Variants in KCNQ4 observed in about 807,000 individuals in gnomAD.
The protein encoded by KCNQ4 is potassium voltage-gated channel subfamily Q member 4, also known as potassium voltage-gated channel subfamily KQT member 4.
In KCNQ4, 31 loss-of-function variants were observed where a neutral mutation model predicts 72.6. That is an observed-to-expected ratio of 0.43 (90% CI 0.32 to 0.58). KCNQ4 has a LOEUF of 0.58. KCNQ4 is among the 20% of genes least tolerant of loss of function. The probability of loss-of-function intolerance (pLI) is 0.08; values close to 1 mark genes in which losing one functional copy is unlikely to be tolerated. For missense variants in KCNQ4, 869 were observed against 962.6 expected (o/e 0.90, Z 1.29); for synonymous variants, 405 against 403.7 (o/e 1.00, Z -0.04).
intron 7 of KCNQ4, among the ~76,000 whole-genome samples, chr1:40,821,479 C>A (rs1235653420): frequency 6.7e-6 from 1 of 149,876 alleles, no homozygotes; most frequent in Non-Finnish European, 1.5e-5. Flanking sequence ...GCTCTTCCTA[C>A]GTGGAGGGAG....
At chr1:40,822,248 G>T in intron 7 of KCNQ4, 66 bp from the exon 8 acceptor site, 2 of 1,332,476 alleles carry the variant, frequency 1.5e-6, no homozygotes, top group South Asian at 2.4e-5. Flanking sequence ...TCTTTCAGGG[G>T]AGAGGGCTGG....
At chr1:40,818,996 A>C in intron 4 of KCNQ4, 1 of 557,920 alleles carries the variant, frequency 1.8e-6, no homozygotes, top group Non-Finnish European at 3.3e-6. Context: ...CTGAGGTGGG[A>C]CTTGAGGGTG....
chr1:40,831,420 C>T, intron 10 of KCNQ4, 116 bp downstream of exon 10: 1 of 820,858 alleles, frequency 1.2e-6, no homozygotes. Flanking sequence ...AACTGATGGA[C>T]CGTCTTTGGG....
chr1:40,787,994 G>A (rs1415101241), intron 1 of KCNQ4, among the ~76,000 whole-genome samples: 1 of 152,188 alleles, frequency 6.6e-6, no homozygotes, highest in Non-Finnish European at 1.5e-5. Flanking sequence ...AAGGTTTGCG[G>A]CTCTGTAAAC....
Position 40,837,683 on chromosome 1 carries a change from T to C in KCNQ4, c.1764T>C (p.Gly588=). The stretch of plus-strand genomic sequence containing the variant: ...CCCTTAGGGTGGACCAAATTGTGGG[T>C]CGGGGGCCCGGGGACAGGAAGGCCC... ...SLQTRVDQIV[G]RGPGDRKARE... The change falls in exon 13 of 14, where the codon GGT becomes GGC. Residue 588 remains glycine (G), a synonymous_variant. Transcript: ENST00000347132. 1.2e-6 allele frequency: 2 copies of C among 1,612,820 alleles called. No homozygotes were observed. Among genetic ancestry groups the C allele is most frequent in the Non-Finnish European group, 1.7e-6 (2 of 1,179,688 alleles).
In KCNQ4 at chr1:40,802,510, G is replaced by GCCCCGCCCACCATT. The variant is rs1166607611; in HGVS notation, c.315-14746_315-14733dup. ...CCCCGCCCCTCCCAGGGACGCAAGA[G>GCCCCGCCCACCATT]CCCCGCCCACCATTCCCCGCCCCCG... On this transcript the variant is annotated intron_variant, in intron 1 of 13. Transcript: ENST00000347132. 2.1e-4 allele frequency among the ~76,000 whole-genome samples: 32 copies of GCCCCGCCCACCATT among 151,946 alleles called. 1 individual carries two copies. Among genetic ancestry groups the GCCCCGCCCACCATT allele is most frequent in the African/African-American group, 7.2e-5 (3 of 41,382 alleles).
chr1:40,820,121 C>G, intron 6 of KCNQ4, 44 bp from the exon 7 acceptor site: 1 of 1,564,474 alleles, frequency 6.4e-7, no homozygotes. Flanking sequence ...CTTACTGCCC[C>G]ACCACTGCCA....
intron 1 of KCNQ4, among the ~76,000 whole-genome samples, chr1:40,805,357 A>G (rs966880443): frequency 3.3e-5 from 5 of 152,034 alleles, no homozygotes; most frequent in Admixed American, 3.3e-4. Flanking sequence ...ACTCAGAGTA[A>G]AAGCCAAGAT....
At chr1:40,818,079 C>T (rs1648152957) in intron 2 of KCNQ4, 85 bp from the exon 3 acceptor site, 1 of 1,589,822 alleles carries the variant, frequency 6.3e-7, no homozygotes, top group Admixed American at 1.7e-5. Context: ...CCCCCTAACC[C>T]AGGGACTCTT....
chr1:40,820,098 AC>A, intron 6 of KCNQ4, 66 bp from the exon 7 acceptor site: 1 of 1,527,736 alleles, frequency 6.5e-7, no homozygotes, highest in Non-Finnish European at 9.0e-7. Flanking sequence ...GGATGGGGAC[AC>A]CCTTGCAGCC....
At chr1:40,821,920 T>C (rs1648309109) in intron 7 of KCNQ4, among the ~76,000 whole-genome samples, 1 of 152,212 alleles carries the variant, frequency 6.6e-6, no homozygotes, top group Admixed American at 6.5e-5. Context: ...GTTCATTTAA[T>C]CCTCACAACA....
At chr1:40,823,406 A>G (rs1648368322) in intron 8 of KCNQ4, among the ~76,000 whole-genome samples, 1 of 152,104 alleles carries the variant, frequency 6.6e-6, no homozygotes, top group Admixed American at 6.5e-5. Flanking sequence ...TGTAAGAAAT[A>G]CAATGTGTAT....
chr1:40,813,698 G>A (rs1393509565), intron 1 of KCNQ4, among the ~76,000 whole-genome samples: 1 of 152,180 alleles, frequency 6.6e-6, no homozygotes, highest in Non-Finnish European at 1.5e-5. Flanking sequence ...GGCGACTGTG[G>A]TCAAGGGGTG....
intron 9 of KCNQ4, among the ~76,000 whole-genome samples, chr1:40,826,866 G>C (rs1648495098): frequency 6.6e-6 from 1 of 152,246 alleles, no homozygotes; most frequent in South Asian, 2.1e-4. Flanking sequence ...CTAGGTCTGG[G>C]GCATGGGCCC....
At chr1:40,803,912 C>G (rs1647659257) in intron 1 of KCNQ4, among the ~76,000 whole-genome samples, 1 of 152,256 alleles carries the variant, frequency 6.6e-6, no homozygotes, top group South Asian at 2.1e-4. Context: ...CTGGGCTGGG[C>G]TCAGTCTTGG....
Position 40,817,172 on chromosome 1 carries a change from C to G in KCNQ4, c.315-93C>G. The G allele has an allele frequency of 1.1e-6, 1 of 923,866 alleles. No homozygotes were observed. Among genetic ancestry groups the G allele is most frequent in the Non-Finnish European group, 1.8e-6 (1 of 569,762 alleles). The allele number at this position is 923,866 out of a possible 1,614,324, so 57.2% of individuals were successfully genotyped here. ...CACATAATTTTCTGAAAATAATGTT[C>G]TCCTCTCTTGGCTCTGTAACCCCCT... On this transcript the variant is annotated intron_variant, in intron 1 of 13. Transcript: ENST00000347132. The surrounding 1 kb of genome is among the most constrained non-coding windows in gnomAD (Gnocchi z 5.5).
At position 40,831,637 on chromosome 1, in the gene KCNQ4, T is replaced by C. The variant is rs181243460; in HGVS notation, c.1513+333T>C. On this transcript the variant is annotated intron_variant, in intron 10 of 13. Transcript: ENST00000347132. ...ATTTCTCTGGGCCTCATTCTCCTCA[T>C]TCATAAAATGGGAACAATAATAGCA... Among the ~76,000 whole-genome samples, 202 of 152,314 alleles carry C rather than the reference T, an allele frequency of 1.3e-3. 1 individual carries two copies. The highest frequency in any genetic ancestry group is 4.8e-3 in the African/African-American group (199 of 41,566).
At chr1:40,830,510 A>T (rs1053302555) in intron 9 of KCNQ4, among the ~76,000 whole-genome samples, 1 of 152,154 alleles carries the variant, frequency 6.6e-6, no homozygotes, top group African/African-American at 2.4e-5. Flanking sequence ...ACACGCCAAC[A>T]TATGTACACA....
chr1:40,810,006 A>G (rs1647879244), intron 1 of KCNQ4, among the ~76,000 whole-genome samples: 2 of 151,864 alleles, frequency 1.3e-5, no homozygotes, highest in African/African-American at 4.8e-5. Flanking sequence ...CGGAGGTTGC[A>G]GTGAGCCAAC....
Sources: allele counts gnomAD v4.1 joint callset (sites outside exome capture counted in the v4.1 genomes callset), GRCh38; gene constraint gnomAD v4.1.1; non-coding constraint Gnocchi (gnomAD v3.1); transcripts MANE v1.5; gene names NCBI Gene and HGNC (gene_info 2026-07-23, HGNC 2026-07-21).